Variants in TMX3 observed in about 807,000 individuals in gnomAD.
TMX3 encodes the protein thioredoxin related transmembrane protein 3, also known as protein disulfide-isomerase TMX3.
A neutral mutation model predicts 64.4 loss-of-function variants in TMX3; 40 were observed. The ratio of observed to expected loss-of-function variants is 0.62; its 90% CI spans 0.48 to 0.81. The LOEUF (loss-of-function observed/expected upper bound fraction) is 0.81, where lower values mean the gene tolerates loss of function less well. TMX3 is among the 30% of genes least tolerant of loss of function. The probability of loss-of-function intolerance (pLI) is 0.00; values close to 1 mark genes in which losing one functional copy is unlikely to be tolerated. For missense variants in TMX3, 497 were observed against 534.5 expected (o/e 0.93, Z 0.69); for synonymous variants, 189 against 175.7 (o/e 1.08, Z -0.60).
chr18:68,694,573 C>T (rs1914870441), intron 8 of TMX3, among the ~76,000 whole-genome samples: 1 of 152,160 alleles, frequency 6.6e-6, no homozygotes, highest in South Asian at 2.1e-4. Flanking sequence ...CAAGGGCAGC[C>T]TGCCAGGCTG....
chr18:68,683,986 T>C (rs1476224885), intron 12 of TMX3, among the ~76,000 whole-genome samples: 2 of 152,148 alleles, frequency 1.3e-5, no homozygotes, highest in Admixed American at 6.5e-5. Context: ...TTATAGTATA[T>C]GTAGCATTCC....
At chr18:68,683,891 TTTA>T (rs1051681590) in intron 12 of TMX3, among the ~76,000 whole-genome samples, 3 of 152,188 alleles carry the variant, frequency 2.0e-5, no homozygotes, top group East Asian at 1.9e-4. Flanking sequence ...ATTGTTCTAT[TTTA>T]TTATTAATTA....
intron 4 of TMX3, 29 bp from the exon 5 acceptor site, chr18:68,701,819 A>G: frequency 6.3e-7 from 1 of 1,596,518 alleles, no homozygotes; most frequent in African/African-American, 1.4e-5. Context: ...AAAGCATTCT[A>G]AATTTTTTTT....
chr18:68,677,599 C>T (rs946690047), intron 15 of TMX3, among the ~76,000 whole-genome samples: 6 of 152,170 alleles, frequency 3.9e-5, no homozygotes, highest in Non-Finnish European at 7.3e-5. Flanking sequence ...AGAAGGTACA[C>T]ACATACTCTT....
At chr18:68,689,258 T>C (rs1914270028) in intron 9 of TMX3, among the ~76,000 whole-genome samples, 1 of 152,152 alleles carries the variant, frequency 6.6e-6, no homozygotes. Flanking sequence ...CATATCATAT[T>C]CCTGTCTTCC....
chr18:68,681,629 T>C lies in TMX3; in HGVS notation c.906-519A>G, dbSNP rs868702762. The C allele has an allele frequency of 1.0e-5, 10 of 985,428 alleles. No homozygotes were observed. The South Asian group carries it at 2.8e-4, about 28-fold the overall frequency. 61.0% of individuals were successfully genotyped at this position (985,428 alleles called of 1,614,324 possible). On this transcript the variant is annotated intron_variant, in intron 13 of 15. Transcript: ENST00000299608. The stretch of plus-strand genomic sequence containing the variant: ...AAGATGATGAATGTTACTTCAGATT[T>C]GTTAAGTTCACTCCCTTCCTCGCTC...
chr18:68,676,876 A>C lies in TMX3; in HGVS notation c.*57T>G, dbSNP rs1033824575. The C allele has an allele frequency of 3.2e-6, 5 of 1,551,154 alleles. No homozygotes were observed. The African/African-American group carries it at 6.9e-5, about 21-fold the overall frequency. On this transcript the variant is annotated 3_prime_UTR_variant, in exon 16 of 16. Coordinates refer to ENST00000299608, the MANE Select transcript of TMX3 (RefSeq NM_019022.5). ...GATCATGATTAAATGTCTAAATTCAATAAATAGACTCTTTAATAATTTGAA... is the reference window on the plus strand; with the variant it reads ...GATCATGATTAAATGTCTAAATTCACTAAATAGACTCTTTAATAATTTGAA...
In TMX3 at chr18:68,701,972, A is replaced by C. The variant is rs965938695; in HGVS notation, c.266-182T>G. Reference sequence around the variant, plus strand: ...AAACATGACATTCTCATAGAAAACAATTACTTAATAGTCCAATCTGTGACC... The same window carrying C: ...AAACATGACATTCTCATAGAAAACACTTACTTAATAGTCCAATCTGTGACC... On this transcript the variant is annotated intron_variant, in intron 4 of 15. Transcript: ENST00000299608. Among the ~76,000 whole-genome samples the C allele has an allele frequency of 3.3e-5, 5 of 151,976 alleles. No individual in the cohort carries two copies. The East Asian group carries it at 9.6e-4, about 29-fold the overall frequency.
chr18:68,710,790 T>C (rs74828944), intron 3 of TMX3, among the ~76,000 whole-genome samples: 3,340 of 152,310 alleles, frequency 0.022, 126 homozygotes, highest in African/African-American at 0.075. Context: ...ATGAAAATGT[T>C]CAAACATACA....
intron 14 of TMX3, among the ~76,000 whole-genome samples, chr18:68,680,357 G>A (rs1006748106): frequency 3.9e-5 from 6 of 152,012 alleles, no homozygotes; most frequent in African/African-American, 1.5e-4. Context: ...ACTTGCGGTG[G>A]TTTCATGACT....
chr18:68,715,038 G>A lies in TMX3; in HGVS notation c.-57C>T. On this transcript the variant is annotated 5_prime_UTR_variant, in exon 1 of 16. Coordinates refer to ENST00000299608, the MANE Select transcript of TMX3 (RefSeq NM_019022.5). ...TGCAAAAGAGGGATAAAGACACTGGGGTCCGCCGCCTGCCCGCCCGGAAAG... is the reference window on the plus strand; with the variant it reads ...TGCAAAAGAGGGATAAAGACACTGGAGTCCGCCGCCTGCCCGCCCGGAAAG... The A allele has an allele frequency of 3.2e-6, 5 of 1,549,512 alleles. No homozygotes were observed. Among genetic ancestry groups the A allele is most frequent in the South Asian group, 1.2e-5 (1 of 84,004 alleles).
At chr18:68,710,264 A>T in intron 3 of TMX3, 120 bp from the exon 4 acceptor site, 1 of 953,962 alleles carries the variant, frequency 1.0e-6, no homozygotes, top group Non-Finnish European at 1.4e-6. Context: ...ATAATGTTTT[A>T]GACAAGAAGT....
chr18:68,711,281 G>T, intron 3 of TMX3, 83 bp downstream of exon 3: 1 of 1,000,896 alleles, frequency 1.0e-6, no homozygotes, highest in Non-Finnish European at 1.4e-6. Context: ...GCTGTTTACT[G>T]CCATTTTTGG....
chr18:68,701,318 G>A (rs1023739053), intron 5 of TMX3, among the ~76,000 whole-genome samples: 4 of 152,030 alleles, frequency 2.6e-5, no homozygotes, highest in African/African-American at 9.7e-5. Context: ...AAAATTCAAT[G>A]AAGTCATGAT....
chr18:68,705,307 T>C (rs1156933008), intron 4 of TMX3, among the ~76,000 whole-genome samples: 2 of 152,130 alleles, frequency 1.3e-5, no homozygotes, highest in African/African-American at 4.8e-5. Context: ...AGTCACTGAC[T>C]TCCTCTGCAC....
intron 6 of TMX3, among the ~76,000 whole-genome samples, chr18:68,698,423 G>A (rs1224712225): frequency 6.6e-6 from 1 of 152,052 alleles, no homozygotes; most frequent in African/African-American, 2.4e-5. Context: ...CAAAAACACT[G>A]TGAATACCAT....
At chr18:68,705,828 A>G (rs2030605506) in intron 4 of TMX3, among the ~76,000 whole-genome samples, 1 of 152,318 alleles carries the variant, frequency 6.6e-6, no homozygotes, top group South Asian at 2.1e-4. Flanking sequence ...TAATAGTTCA[A>G]ATTTCTCTAG....
Position 68,674,146 on chromosome 18 carries a change from C to T in TMX3, c.*2787G>A, listed in dbSNP as rs1912743710. The T allele has an allele frequency of 6.6e-6, 1 of 152,082 alleles. No homozygotes were observed. The highest frequency in any genetic ancestry group is 2.4e-5 in the African/African-American group (1 of 41,414). The allele number at this position is 152,082 out of a possible 1,614,324, so 9.4% of individuals were successfully genotyped here. ...CTCATATAGACCCTTCCTTCAATCCCCCAGATACTTGGCATTTAAATGTTA... is the reference window on the plus strand; with the variant it reads ...CTCATATAGACCCTTCCTTCAATCCTCCAGATACTTGGCATTTAAATGTTA... On this transcript the variant is annotated 3_prime_UTR_variant, in exon 16 of 16. Transcript: ENST00000299608.
At position 68,679,527 on chromosome 18, in the gene TMX3, T is replaced by C. The variant is rs1456504952; in HGVS notation, c.1040A>G (p.Gln347Arg). ...TCTCTGCAAAATGCTATCACCTCCT[T>C]GGGCCTTCAAAAAAGGAAAAGAAAA... ...NNILDGTVEA[Q>R]GGDSILQRLK... Residue 347 changes from glutamine (Q) to arginine (R), a missense_variant, in exon 15 of 16, where the codon CAA (glutamine) becomes CGA (arginine). By Grantham distance (43) the Gln-to-Arg change is conservative (BLOSUM62 1). Transcript: ENST00000299608. 2 of 1,610,444 alleles carry C rather than the reference T, an allele frequency of 1.2e-6. No individual in the cohort carries two copies. The highest frequency in any genetic ancestry group is 2.7e-5 in the African/African-American group (2 of 74,706).
Sources: allele counts gnomAD v4.1 joint callset (sites outside exome capture counted in the v4.1 genomes callset), GRCh38; gene constraint gnomAD v4.1.1; transcripts MANE v1.5; gene names NCBI Gene and HGNC (gene_info 2026-07-23, HGNC 2026-07-21).